Variants in AFF3 observed in about 807,000 individuals in gnomAD.
AFF3 encodes AF4/FMR2 family member 3.
A neutral mutation model predicts 129.7 loss-of-function variants in AFF3; 32 were observed. The ratio of observed to expected loss-of-function variants is 0.25; its 90% CI spans 0.19 to 0.33. AFF3 has a LOEUF of 0.33. AFF3 is among the 10% of genes least tolerant of loss of function. AFF3 has a pLI of 1.00. For synonymous variants in AFF3, 644 were observed against 635.4 expected (o/e 1.01, Z -0.20); for missense variants, 1,373 against 1,592.0 (o/e 0.86, Z 2.34).
intron 4 of AFF3, among the ~76,000 whole-genome samples, chr2:100,093,133 GTCTC>G (rs1161643606): frequency 6.6e-6 from 1 of 151,732 alleles, no homozygotes; most frequent in Non-Finnish European, 1.5e-5. Flanking sequence ...CTGAGACAAG[GTCTC>G]TCTCTGCCAT....
chr2:99,682,456 G>A (rs1280205919), intron 11 of AFF3, among the ~76,000 whole-genome samples: 1 of 152,140 alleles, frequency 6.6e-6, no homozygotes, highest in Non-Finnish European at 1.5e-5. Flanking sequence ...GAATTACCAC[G>A]AGGCATTTTA....
At chr2:99,934,504 A>G (rs1674345203) in intron 7 of AFF3, among the ~76,000 whole-genome samples, 1 of 152,222 alleles carries the variant, frequency 6.6e-6, no homozygotes, top group African/African-American at 2.4e-5. Flanking sequence ...ACAAGCAGCC[A>G]ATGACATGTA....
intron 7 of AFF3, among the ~76,000 whole-genome samples, chr2:99,889,889 A>T (rs892475424): frequency 2.0e-5 from 3 of 152,054 alleles, no homozygotes; most frequent in African/African-American, 7.2e-5. Flanking sequence ...CGAACTCCCG[A>T]CCTCAGGTGA....
chr2:99,715,286 A>G (rs771904208), intron 11 of AFF3, among the ~76,000 whole-genome samples: 3 of 152,144 alleles, frequency 2.0e-5, no homozygotes, highest in Non-Finnish European at 4.4e-5. Context: ...TTAGTTTTCC[A>G]CGTTTTAGTT....
At chr2:99,616,835 A>G (rs1379045906) in intron 13 of AFF3, among the ~76,000 whole-genome samples, 1 of 152,196 alleles carries the variant, frequency 6.6e-6, no homozygotes, top group Non-Finnish European at 1.5e-5. Flanking sequence ...CCCAGCCCTA[A>G]GCAAGCACTA....
chr2:99,672,923 C>A (rs1312239596), intron 11 of AFF3, among the ~76,000 whole-genome samples: 1 of 152,014 alleles, frequency 6.6e-6, no homozygotes, highest in Non-Finnish European at 1.5e-5. Context: ...GGAATGTTCC[C>A]AACAGGAAGA....
At chr2:99,683,336 G>A (rs763811095) in intron 11 of AFF3, among the ~76,000 whole-genome samples, 53 of 152,336 alleles carry the variant, frequency 3.5e-4, no homozygotes, top group Non-Finnish European at 6.3e-4. Context: ...ATTTTATACA[G>A]TGTCTGGTAT....
At chr2:100,003,643 T>C (rs1256273258) in intron 7 of AFF3, among the ~76,000 whole-genome samples, 1 of 152,260 alleles carries the variant, frequency 6.6e-6, no homozygotes, top group African/African-American at 2.4e-5. Flanking sequence ...TGGATTTTTC[T>C]GCACTAATTA....
At chr2:100,001,502 C>T (rs992896916) in intron 7 of AFF3, among the ~76,000 whole-genome samples, 22 of 152,208 alleles carry the variant, frequency 1.4e-4, no homozygotes, top group African/African-American at 4.8e-4. Flanking sequence ...GATCTCGTCT[C>T]ACCGCAATTT....
Position 99,547,031 on chromosome 2 carries a change from T to C in AFF3, c.*4443A>G, listed in dbSNP as rs73964161. 3,869 of 218,954 alleles carry C rather than the reference T, an allele frequency of 0.018. 150 individuals carry two copies. Among genetic ancestry groups the C allele is most frequent in the African/African-American group, 0.08 (3,562 of 44,612 alleles). 13.6% of individuals were successfully genotyped at this position (218,954 alleles called of 1,614,324 possible). A position where few individuals can be genotyped will look rare whatever the true frequency, so the allele number is the denominator to read the frequency against. ...GACAAATAGTAAACTATAGTTATAA[T>C]GAAGAAAAACATACTTCTTTTCCAT... On this transcript the variant is annotated 3_prime_UTR_variant, in exon 25 of 25. Coordinates refer to ENST00000672756, the MANE Select transcript of AFF3 (RefSeq NM_001386135.1).
chr2:99,807,875 G>A (rs1325243173), intron 8 of AFF3, among the ~76,000 whole-genome samples: 9 of 151,440 alleles, frequency 5.9e-5, no homozygotes, highest in East Asian at 1.9e-4. Context: ...GGCAGTCCCC[G>A]CTGGCTCACT....
At position 99,649,473 on chromosome 2, in the gene AFF3, C is replaced by T. The variant is rs189691187; in HGVS notation, c.1184+153G>A. Among the ~76,000 whole-genome samples, 333 of 152,312 alleles carry T rather than the reference C, an allele frequency of 2.2e-3. 3 individuals carry two copies. The highest frequency in any genetic ancestry group is 3.2e-3 in the Non-Finnish European group (221 of 68,034). On this transcript the variant is annotated intron_variant, in intron 13 of 24. Transcript: ENST00000672756. ...GCGATTTTTGCAGTGATAAACTCCACACATGCATGATAAATCCAAGCATGC... is the reference window on the plus strand; with the variant it reads ...GCGATTTTTGCAGTGATAAACTCCATACATGCATGATAAATCCAAGCATGC...
chr2:100,019,093 CAGAAGGGAGAAGGGTGTCTG>C (rs1221763025), intron 4 of AFF3, among the ~76,000 whole-genome samples: 1 of 152,116 alleles, frequency 6.6e-6, no homozygotes, highest in Non-Finnish European at 1.5e-5. Context: ...TGCCTGAAGT[CAGAAGGGAGAAGGGTGTCTG>C]AGTCCTCTCA....
chr2:100,125,881 G>C (rs1692165453), intron 2 of AFF3, among the ~76,000 whole-genome samples: 2 of 152,122 alleles, frequency 1.3e-5, no homozygotes, highest in Non-Finnish European at 2.9e-5. Context: ...CAGGGGCCAG[G>C]TTTACACAGG....
At chr2:99,922,943 C>G (rs1405596089) in intron 7 of AFF3, among the ~76,000 whole-genome samples, 2 of 152,140 alleles carry the variant, frequency 1.3e-5, no homozygotes, top group East Asian at 3.8e-4. Flanking sequence ...CCCTAAAATG[C>G]TTCTCGAACG....
At chr2:99,770,768 A>G (rs762756424) in intron 8 of AFF3, among the ~76,000 whole-genome samples, 16 of 152,110 alleles carry the variant, frequency 1.1e-4, no homozygotes, top group Admixed American at 2.0e-4. Context: ...GTGTCTCTCT[A>G]GAAATGTTTT....
intron 16 of AFF3, among the ~76,000 whole-genome samples, chr2:99,586,484 G>A (rs1678128891): frequency 6.6e-6 from 1 of 152,232 alleles, no homozygotes; most frequent in East Asian, 1.9e-4. Context: ...ATACGGTCAG[G>A]GAGGGTGAGG....
chr2:99,726,944 C>T, intron 11 of AFF3, 133 bp downstream of exon 11: 1 of 802,558 alleles, frequency 1.2e-6, no homozygotes, highest in Non-Finnish European at 1.9e-6. Flanking sequence ...TTTAGAAAGA[C>T]ATTATCATGA....
At chr2:99,983,818 T>C (rs1467957561) in intron 7 of AFF3, among the ~76,000 whole-genome samples, 1 of 152,086 alleles carries the variant, frequency 6.6e-6, no homozygotes, top group African/African-American at 2.4e-5. Flanking sequence ...GGTTTAGAGT[T>C]TTGCAATTGT....
Sources: gnomAD v4.1 joint callset for allele counts (sites outside exome capture counted in the v4.1 genomes callset) on GRCh38, gnomAD v4.1.1 for gene constraint, MANE v1.5 for transcripts, NCBI Gene and HGNC (gene_info 2026-07-23, HGNC 2026-07-21) for gene names.